The following PRIMA1 variants were observed in gnomAD, a reference collection of about 807,000 sequenced individuals.
The protein encoded by PRIMA1 is proline rich membrane anchor 1.
Under a neutral mutation model 17.5 loss-of-function variants are expected in PRIMA1, and 7 were observed. The ratio of observed to expected loss-of-function variants is 0.40; its 90% CI spans 0.23 to 0.75. The LOEUF (loss-of-function observed/expected upper bound fraction) is 0.75, where lower values mean the gene tolerates loss of function less well. Ranked by LOEUF, PRIMA1 falls within the 30% of genes least tolerant of loss-of-function variation. PRIMA1 has a pLI of 0.37. For synonymous variants in PRIMA1, 97 were observed against 77.9 expected, an observed-to-expected ratio of 1.25 and a Z score of -1.29; for missense variants, 200 against 201.8, an observed-to-expected ratio of 0.99 and a Z score of 0.05.
Position 93,726,825 on chromosome 14 carries a change from A to G in PRIMA1, c.360-5279T>C, listed in dbSNP as rs780813333. On this transcript the variant is annotated intron_variant, in intron 4 of 4. Coordinates refer to ENST00000393140, the MANE Select transcript of PRIMA1 (RefSeq NM_178013.4). This position sits in a 1 kb window ranked among gnomAD's most constrained non-coding sequence, Gnocchi z 4.2. ...ATGTACTTCAACACACACACAATAT[A>G]CACATACACACATGTCCCTACACAC... Among the ~76,000 whole-genome samples, 17 of 152,044 alleles carry G rather than the reference A, an allele frequency of 1.1e-4. No individual in the cohort carries two copies. Among genetic ancestry groups the G allele is most frequent in the Admixed American group, 2.0e-4 (3 of 15,246 alleles).
At chr14:93,729,977 A>G (rs960231623) in intron 4 of PRIMA1, among the ~76,000 whole-genome samples, 3 of 152,158 alleles carry the variant, frequency 2.0e-5, no homozygotes, top group African/African-American at 7.2e-5. Context: ...CAACACTTAA[A>G]ATTTGGTGCA....
intron 3 of PRIMA1, among the ~76,000 whole-genome samples, chr14:93,769,506 C>G (rs946309569): frequency 6.6e-6 from 1 of 152,202 alleles, no homozygotes; most frequent in African/African-American, 2.4e-5. Flanking sequence ...GCCCTTGAAG[C>G]AGGAGACATT....
At chr14:93,741,048 C>T (rs183965233) in intron 3 of PRIMA1, among the ~76,000 whole-genome samples, 32 of 152,324 alleles carry the variant, frequency 2.1e-4, no homozygotes, top group Admixed American at 2.0e-3. Context: ...TCTGCAAGCA[C>T]ACTTATCACC....
intron 3 of PRIMA1, among the ~76,000 whole-genome samples, chr14:93,778,061 A>C (rs1885272936): frequency 6.6e-6 from 1 of 152,246 alleles, no homozygotes; most frequent in Non-Finnish European, 1.5e-5. Flanking sequence ...GATTTGGCAG[A>C]GGCCTGGAGC....
At chr14:93,787,226 G>A (rs1018249910) in intron 2 of PRIMA1, among the ~76,000 whole-genome samples, 3 of 152,328 alleles carry the variant, frequency 2.0e-5, no homozygotes, top group South Asian at 2.1e-4. Context: ...GCTGCCTTCC[G>A]TGTTGAAAAC....
At chr14:93,754,722 T>G (rs1351190506) in intron 3 of PRIMA1, among the ~76,000 whole-genome samples, 1 of 152,196 alleles carries the variant, frequency 6.6e-6, no homozygotes, top group Non-Finnish European at 1.5e-5. Context: ...CAAAATCCAG[T>G]GGACATTGAG....
intron 3 of PRIMA1, among the ~76,000 whole-genome samples, chr14:93,749,093 A>T (rs2076244841): frequency 6.6e-6 from 1 of 152,120 alleles, no homozygotes; most frequent in Non-Finnish European, 1.5e-5. Context: ...ACTCAACAGC[A>T]TCTACTCTCT....
intron 2 of PRIMA1, among the ~76,000 whole-genome samples, chr14:93,782,412 G>A (rs1427926299): frequency 6.6e-6 from 1 of 152,108 alleles, no homozygotes; most frequent in Admixed American, 6.6e-5. Flanking sequence ...TGAGCCCAGG[G>A]GTTCAACATC....
At chr14:93,765,931 T>C (rs2141183482) in intron 3 of PRIMA1, among the ~76,000 whole-genome samples, 1 of 152,318 alleles carries the variant, frequency 6.6e-6, no homozygotes, top group East Asian at 1.9e-4. Context: ...GATGATTTTC[T>C]AATTTGCCTT....
intron 4 of PRIMA1, among the ~76,000 whole-genome samples, chr14:93,729,825 G>T (rs2076102221): frequency 6.6e-6 from 1 of 152,100 alleles, no homozygotes; most frequent in Non-Finnish European, 1.5e-5. Context: ...CCGAAGCTTG[G>T]AGAGGGGACC....
At chr14:93,775,439 G>T (rs1161563381) in intron 3 of PRIMA1, among the ~76,000 whole-genome samples, 1 of 152,214 alleles carries the variant, frequency 6.6e-6, no homozygotes, top group Non-Finnish European at 1.5e-5. Flanking sequence ...TGGGAGACAT[G>T]AATTCCTTCA....
chr14:93,761,223 C>T (rs1287987666), intron 3 of PRIMA1, among the ~76,000 whole-genome samples: 1 of 152,170 alleles, frequency 6.6e-6, no homozygotes, highest in Non-Finnish European at 1.5e-5. Context: ...TGATGGCGCA[C>T]ACCTGTAATC....
chr14:93,729,278 A>C (rs1378536976), intron 4 of PRIMA1, among the ~76,000 whole-genome samples: 1 of 152,330 alleles, frequency 6.6e-6, no homozygotes. Flanking sequence ...TCCTTGGAGT[A>C]CACTAACTTT....
chr14:93,783,057 T>C (rs1346925219), intron 2 of PRIMA1, among the ~76,000 whole-genome samples: 3 of 152,202 alleles, frequency 2.0e-5, no homozygotes, highest in Non-Finnish European at 4.4e-5. Context: ...CAAATTAGAC[T>C]CACCTGCTCA....
At chr14:93,773,343 T>C (rs1885121350) in intron 3 of PRIMA1, among the ~76,000 whole-genome samples, 1 of 152,238 alleles carries the variant, frequency 6.6e-6, no homozygotes, top group South Asian at 2.1e-4. Context: ...AGCCCCTTGC[T>C]GAGATTGTCA....
chr14:93,759,874 C>G (rs1489976045), intron 3 of PRIMA1, among the ~76,000 whole-genome samples: 2 of 152,204 alleles, frequency 1.3e-5, no homozygotes, highest in Non-Finnish European at 2.9e-5. Flanking sequence ...TTGGCAGAGG[C>G]CCCGGCCTGG....
At chr14:93,746,770 G>T (rs1172408380) in intron 3 of PRIMA1, among the ~76,000 whole-genome samples, 1 of 152,140 alleles carries the variant, frequency 6.6e-6, no homozygotes, top group Non-Finnish European at 1.5e-5. Flanking sequence ...GGTGAGGAAA[G>T]GTCAGAGTCT....
intron 4 of PRIMA1, among the ~76,000 whole-genome samples, chr14:93,727,887 G>A (rs554685310): frequency 5.6e-4 from 86 of 152,330 alleles, no homozygotes; most frequent in African/African-American, 1.9e-3. Context: ...GTTTCCAGGA[G>A]AGACCTGCCC....
intron 2 of PRIMA1, among the ~76,000 whole-genome samples, chr14:93,781,538 G>A (rs548623722): frequency 2.8e-4 from 42 of 152,210 alleles, no homozygotes; most frequent in African/African-American, 7.0e-4. Flanking sequence ...AGAGAAGCAC[G>A]TTTGTTTAAC....
Sources: allele counts gnomAD v4.1 joint callset (sites outside exome capture counted in the v4.1 genomes callset), GRCh38; gene constraint gnomAD v4.1.1; non-coding constraint Gnocchi (gnomAD v3.1); transcripts MANE v1.5; gene names NCBI Gene and HGNC (gene_info 2026-07-23, HGNC 2026-07-21).